The following SCARA3 variants were observed in gnomAD, a reference collection of about 807,000 sequenced individuals.
SCARA3 encodes the protein scavenger receptor class A member 3.
A neutral mutation model predicts 47.0 loss-of-function variants in SCARA3; 39 were observed. That is an observed-to-expected ratio of 0.83 (90% confidence interval 0.64 to 1.08). The LOEUF (loss-of-function observed/expected upper bound fraction) is 1.08, where lower values mean the gene tolerates loss of function less well. SCARA3 is among the 50% of genes least tolerant of loss of function. The pLI is 0.00. For synonymous variants in SCARA3, 356 were observed against 334.1 expected (o/e 1.07, Z -0.71); for missense variants, 724 against 792.3 (o/e 0.91, Z 1.04).
At chr8:27,703,844 CTTTTTTTTTTTTTTTTTTTTT>C in the SCARA3 span, 1 of 54,524 alleles carries the variant, frequency 1.8e-5, no homozygotes, top group Non-Finnish European at 3.4e-5. Flanking sequence ...GTGCTTTCTA[CTTTTTTTTTTTTTTTTTTTTT>C]TTTTTTTTTA....
At chr8:27,654,854 T>A (rs1187713458) in intron 3 of SCARA3, among the ~76,000 whole-genome samples, 4 of 146,628 alleles carry the variant, frequency 2.7e-5, no homozygotes, top group South Asian at 4.5e-4. Context: ...TTATATGGAG[T>A]GGAGTGAGCC....
At chr8:27,640,447 A>G (rs1585271359) in intron 1 of SCARA3, among the ~76,000 whole-genome samples, 1 of 152,046 alleles carries the variant, frequency 6.6e-6, no homozygotes, top group African/African-American at 2.4e-5. Context: ...GTGCAGTGGT[A>G]CCATTGTAGG....
At chr8:27,722,682 C>A in the SCARA3 span, among the ~76,000 whole-genome samples, 1 of 152,202 alleles carries the variant, frequency 6.6e-6, no homozygotes, top group Non-Finnish European at 1.5e-5. Context: ...CATTTTCAAG[C>A]CTTTTTCTCC....
chr8:27,696,304 C>G, the SCARA3 span, among the ~76,000 whole-genome samples: 1 of 152,128 alleles, frequency 6.6e-6, no homozygotes, highest in Non-Finnish European at 1.5e-5. Flanking sequence ...GCCATCATGC[C>G]TGGCCAAGAG....
the SCARA3 span, among the ~76,000 whole-genome samples, chr8:27,731,455 C>G: frequency 6.6e-6 from 1 of 151,674 alleles, no homozygotes; most frequent in Non-Finnish European, 1.5e-5. Flanking sequence ...CGAGACCAGC[C>G]TGGCCAACAT....
chr8:27,665,874 C>G (rs991310095), intron 5 of SCARA3, among the ~76,000 whole-genome samples: 1 of 152,062 alleles, frequency 6.6e-6, no homozygotes, highest in Non-Finnish European at 1.5e-5. Flanking sequence ...CATCGAGGAC[C>G]CGGCAGAGTG....
At chr8:27,721,706 G>A in the SCARA3 span, among the ~76,000 whole-genome samples, 2 of 152,140 alleles carry the variant, frequency 1.3e-5, no homozygotes, top group African/African-American at 4.8e-5. Flanking sequence ...CTGATGTTTG[G>A]CTTTGAGCAA....
the SCARA3 span, among the ~76,000 whole-genome samples, chr8:27,732,968 AG>A: frequency 6.6e-6 from 1 of 152,240 alleles, no homozygotes; most frequent in African/African-American, 2.4e-5. Flanking sequence ...GAAACCGCCC[AG>A]GAAGTCTTCA....
At chr8:27,676,607 G>A, downstream of SCARA3, 3 of 1,514,530 alleles carry the variant, frequency 2.0e-6, no homozygotes, top group Non-Finnish European at 2.8e-6. Flanking sequence ...ATGATATGAA[G>A]CCAGCCATAA....
Position 27,649,807 on chromosome 8 carries a change from A to ACTCTGGGGCTGCCCCTGATCTCCG in SCARA3, c.106+15_106+38dup. On this transcript the variant is annotated splice_region_variant and intron_variant, in intron 2 of 5. Coordinates refer to ENST00000301904, the MANE Select transcript of SCARA3 (RefSeq NM_016240.3). ...TTCCCATGCACCCAGAAGGGTAAGG[A>ACTCTGGGGCTGCCCCTGATCTCCG]CTCTGGGGCTGCCCCTGATCTCCGC... 6.2e-7 allele frequency: 1 copy of ACTCTGGGGCTGCCCCTGATCTCCG among 1,608,680 alleles called. No homozygotes were observed. The highest frequency in any genetic ancestry group is 1.1e-5 in the South Asian group (1 of 90,736).
chr8:27,687,502 CAG>C, the SCARA3 span, among the ~76,000 whole-genome samples: 1 of 150,686 alleles, frequency 6.6e-6, no homozygotes, highest in Non-Finnish European at 1.5e-5. Context: ...GTGAGAAAGA[CAG>C]AGAAAGGCAG....
the SCARA3 span, among the ~76,000 whole-genome samples, chr8:27,682,573 G>T: frequency 1.3e-5 from 2 of 152,070 alleles, no homozygotes; most frequent in Non-Finnish European, 2.9e-5. Context: ...ACAAAAAAAG[G>T]TGAAATGTTT....
At chr8:27,666,574 C>G (rs963986640) in intron 5 of SCARA3, among the ~76,000 whole-genome samples, 1 of 152,354 alleles carries the variant, frequency 6.6e-6, no homozygotes, top group Admixed American at 6.5e-5. Flanking sequence ...CCCAGCCACG[C>G]GCTTTGCTAA....
At chr8:27,730,488 A>ATTTTT in the SCARA3 span, among the ~76,000 whole-genome samples, 2 of 137,194 alleles carry the variant, frequency 1.5e-5, no homozygotes, top group African/African-American at 2.7e-5. Context: ...TCTGCCTTTG[A>ATTTTT]TTTTTTTTTT....
intron 1 of SCARA3, among the ~76,000 whole-genome samples, chr8:27,642,353 TGTACCAG>T (rs757739412): frequency 9.2e-5 from 14 of 152,242 alleles, no homozygotes; most frequent in Non-Finnish European, 1.8e-4. Flanking sequence ...GCATTTACGA[TGTACCAG>T]GTACTTTTCA....
At chr8:27,716,323 TTA>T in the SCARA3 span, among the ~76,000 whole-genome samples, 9 of 149,144 alleles carry the variant, frequency 6.0e-5, no homozygotes, top group South Asian at 2.1e-4. Context: ...AAATATCTCT[TTA>T]TATATATATA....
At chr8:27,676,584 C>T, downstream of SCARA3, 1 of 1,590,308 alleles carries the variant, frequency 6.3e-7, no homozygotes, top group South Asian at 1.1e-5. Flanking sequence ...ACTTTGTTTT[C>T]ACATAATCGG....
chr8:27,684,584 G>T, the SCARA3 span, among the ~76,000 whole-genome samples: 1 of 151,920 alleles, frequency 6.6e-6, no homozygotes, highest in Non-Finnish European at 1.5e-5. Flanking sequence ...TACTTGGGAG[G>T]CTGAGGGAGG....
intron 3 of SCARA3, among the ~76,000 whole-genome samples, chr8:27,652,239 T>G (rs897026242): frequency 1.3e-5 from 2 of 152,152 alleles, no homozygotes; most frequent in African/African-American, 2.4e-5. Flanking sequence ...TCATACACAT[T>G]AGGGTTTGTA....
Sources: gnomAD v4.1 joint callset for allele counts (sites outside exome capture counted in the v4.1 genomes callset) on GRCh38, gnomAD v4.1.1 for gene constraint, MANE v1.5 for transcripts, NCBI Gene and HGNC (gene_info 2026-07-23, HGNC 2026-07-21) for gene names.